Variants in CAT observed in about 807,000 individuals in gnomAD.
The protein encoded by CAT is epididymis secretory sperm binding protein.
Under a neutral mutation model 59.0 loss-of-function variants are expected in CAT, and 43 were observed. That is an observed-to-expected ratio of 0.73 (90% CI 0.57 to 0.94). CAT has a LOEUF of 0.94. CAT is among the 40% of genes least tolerant of loss of function. The pLI is 0.00. For missense variants in CAT, 664 were observed against 682.9 expected (o/e 0.97, Z 0.31); for synonymous variants, 218 against 230.9 (o/e 0.94, Z 0.51).
At chr11:34,462,428 CTATT>C (rs1293718403) in intron 9 of CAT, among the ~76,000 whole-genome samples, 2 of 152,026 alleles carry the variant, frequency 1.3e-5, no homozygotes, top group Admixed American at 6.5e-5. Flanking sequence ...ATTTATTTAT[CTATT>C]TATTTATTTT....
chr11:34,450,251 G>T (rs1243554480), intron 2 of CAT, among the ~76,000 whole-genome samples: 1 of 152,230 alleles, frequency 6.6e-6, no homozygotes, highest in Admixed American at 6.5e-5. Context: ...TACTTACTGG[G>T]TAATTACTGG....
At chr11:34,441,472 G>A (rs188363631) in intron 1 of CAT, among the ~76,000 whole-genome samples, 60 of 152,228 alleles carry the variant, frequency 3.9e-4, no homozygotes, top group African/African-American at 1.3e-3. Flanking sequence ...CTGGACACCT[G>A]GGCTATTTAA....
intron 8 of CAT, among the ~76,000 whole-genome samples, chr11:34,457,204 C>CTTTTTTTTTTTT (rs899442681): frequency 1.5e-5 from 1 of 66,172 alleles, no homozygotes; most frequent in African/African-American, 6.0e-5. Context: ...TTTTCTTGTT[C>CTTTTTTTTTTTT]TTTTTTTTTT....
chr11:34,466,780 C>CAAAAAAAAAAAAAA (rs71457350), intron 10 of CAT, among the ~76,000 whole-genome samples: 15 of 41,120 alleles, frequency 3.6e-4, no homozygotes, highest in Admixed American at 1.0e-3. Flanking sequence ...GACTCCGTCT[C>CAAAAAAAAAAAAAA]AAAAAAAAAA....
chr11:34,467,579 A>G (rs935441275), intron 10 of CAT, among the ~76,000 whole-genome samples: 4 of 152,228 alleles, frequency 2.6e-5, no homozygotes, highest in Non-Finnish European at 5.9e-5. Context: ...CTCGCACATT[A>G]TAGATACTCA....
At chr11:34,468,145 C>A in intron 10 of CAT, 143 bp from the exon 11 acceptor site, 1 of 709,730 alleles carries the variant, frequency 1.4e-6, no homozygotes, top group Admixed American at 2.1e-5. Flanking sequence ...AAGTGAAGGA[C>A]ACAACCCAAA....
intron 8 of CAT, among the ~76,000 whole-genome samples, chr11:34,460,319 AC>A (rs1180299443): frequency 3.9e-5 from 6 of 152,106 alleles, no homozygotes; most frequent in African/African-American, 1.4e-4. Context: ...TAGATTGATT[AC>A]CTTTGGCATT....
At chr11:34,461,704 G>T (rs1196775422) in intron 9 of CAT, among the ~76,000 whole-genome samples, 1 of 152,196 alleles carries the variant, frequency 6.6e-6, no homozygotes, top group Non-Finnish European at 1.5e-5. Flanking sequence ...ATCCAGCTTG[G>T]GAGTTAGGTT....
In CAT at chr11:34,453,198, T is replaced by C. The variant is rs377669559; in HGVS notation, c.585+4T>C. The C allele has an allele frequency of 7.0e-6, 11 of 1,566,288 alleles. No individual in the cohort carries two copies. The African/African-American group carries it at 1.2e-4, about 17-fold the overall frequency. On this transcript the variant is annotated splice_donor_region_variant and intron_variant, in intron 5 of 12. Coordinates refer to ENST00000241052, the MANE Select transcript of CAT (RefSeq NM_001752.4). ...ACGTCCTGAGTCTCTGCATCAGGTA[T>C]GAACCCTTTTTTGCCATTGTATTAT...
intron 3 of CAT, among the ~76,000 whole-genome samples, chr11:34,451,804 C>T (rs1856526486): frequency 6.6e-6 from 1 of 152,136 alleles, no homozygotes; most frequent in South Asian, 2.1e-4. Context: ...AGTTCAATTA[C>T]CTGTTTGAAC....
Position 34,464,195 on chromosome 11 carries a change from T to G in CAT, c.1286T>G (p.Val429Gly), listed in dbSNP as rs373692369. The G allele has an allele frequency of 1.1e-5, 17 of 1,614,024 alleles. No individual in the cohort carries two copies. The highest frequency in any genetic ancestry group is 1.4e-5 in the Non-Finnish European group (16 of 1,179,982). ...CACAGCATCCAATATTCTGGAGAAG[T>G]GCGGAGATTCAACACTGCCAATGAT... ...LEHSIQYSGE[V>G]RRFNTANDDN... The change falls in exon 10 of 13, where the codon GTG becomes GGG. Residue 429 changes from valine to glycine, a missense_variant. Transcript: ENST00000241052.
At position 34,461,874 on chromosome 11, in the gene CAT, G is replaced by C. The variant is rs570184805; in HGVS notation, c.1195+485G>C. ...GCAGGTCTAGCTAGAATTTGGAGGGGAGCTAGAATTAGCAGGGAAGGCTGG... is the reference window on the plus strand; with the variant it reads ...GCAGGTCTAGCTAGAATTTGGAGGGCAGCTAGAATTAGCAGGGAAGGCTGG... On this transcript the variant is annotated intron_variant, in intron 9 of 12. Coordinates refer to ENST00000241052, the MANE Select transcript of CAT (RefSeq NM_001752.4). Among the ~76,000 whole-genome samples, 5 of 152,288 alleles carry C rather than the reference G, an allele frequency of 3.3e-5. No individual in the cohort carries two copies. The South Asian group carries it at 8.3e-4, about 25-fold the overall frequency.
intron 10 of CAT, among the ~76,000 whole-genome samples, 184 bp downstream of exon 10, chr11:34,464,419 T>C (rs1223639179): frequency 6.6e-6 from 1 of 152,226 alleles, no homozygotes; most frequent in African/African-American, 2.4e-5. Flanking sequence ...TATATTACTC[T>C]GGTCTTTTGC....
chr11:34,444,155 G>A (rs1479553119), intron 1 of CAT, among the ~76,000 whole-genome samples: 8 of 152,098 alleles, frequency 5.3e-5, no homozygotes, highest in African/African-American at 2.4e-5. Flanking sequence ...TGTGTCTTGC[G>A]TGTTGGCGAG....
intron 11 of CAT, chr11:34,470,600 A>G (rs1856763055): frequency 3.0e-6 from 1 of 338,608 alleles, no homozygotes; most frequent in Non-Finnish European, 5.8e-6. Flanking sequence ...TCTTAGTAGT[A>G]TATAAAAGAC....
chr11:34,440,422 C>T (rs929644379), intron 1 of CAT, among the ~76,000 whole-genome samples: 2 of 152,108 alleles, frequency 1.3e-5, no homozygotes, highest in African/African-American at 4.8e-5. Flanking sequence ...GCTTCTTGGA[C>T]CCAAGACTCT....
At chr11:34,447,781 T>C (rs923648969) in intron 1 of CAT, among the ~76,000 whole-genome samples, 1 of 152,268 alleles carries the variant, frequency 6.6e-6, no homozygotes, top group African/African-American at 2.4e-5. Context: ...CATTTAACTC[T>C]TTTAATTCAT....
intron 1 of CAT, among the ~76,000 whole-genome samples, chr11:34,443,509 A>C (rs956870162): frequency 1.3e-5 from 2 of 150,944 alleles, no homozygotes; most frequent in African/African-American, 4.9e-5. Flanking sequence ...TGGGAACTTT[A>C]TTGCTCACTG....
intron 4 of CAT, among the ~76,000 whole-genome samples, chr11:34,452,840 T>G (rs1856540673): frequency 6.7e-6 from 1 of 149,270 alleles, no homozygotes; most frequent in Non-Finnish European, 1.5e-5. Flanking sequence ...GGTGACAGAG[T>G]GAGACCCTGT....
Sources: allele counts gnomAD v4.1 joint callset (sites outside exome capture counted in the v4.1 genomes callset), GRCh38; gene constraint gnomAD v4.1.1; transcripts MANE v1.5; gene names NCBI Gene and HGNC (gene_info 2026-07-23, HGNC 2026-07-21).